The following RAD50 variants were observed in gnomAD, a reference collection of about 807,000 sequenced individuals.
The protein encoded by RAD50 is RAD50 double strand break repair protein, also known as DNA repair protein RAD50.
In RAD50, 132 loss-of-function variants were observed where a neutral mutation model predicts 168.8. The ratio of observed to expected loss-of-function variants is 0.78; its 90% confidence interval spans 0.68 to 0.90. The LOEUF (loss-of-function observed/expected upper bound fraction) is 0.90. Among genes scored for constraint, RAD50 ranks in the 40% least tolerant of loss-of-function variants. The pLI, the probability that RAD50 is intolerant of heterozygous loss-of-function variation, is 0.00. For synonymous variants in RAD50, 525 were observed against 497.4 expected (o/e 1.06, Z -0.74); for missense variants, 1,347 against 1,534.4 (o/e 0.88, Z 2.04).
Position 132,616,102 on chromosome 5 carries a change from G to A in RAD50, c.3136G>A (p.Gly1046Ser), listed in dbSNP as rs1561650130. 6.2e-7 allele frequency: 1 copy of A among 1,613,020 alleles called. No homozygotes were observed. The highest frequency in any genetic ancestry group is 8.5e-7 in the Non-Finnish European group (1 of 1,179,376). Residue 1046 changes from glycine to serine, a missense_variant, in exon 20 of 25, where the codon GGT becomes AGT. Gly to Ser is a moderately conservative substitution (Grantham distance 56, BLOSUM62 0). This residue lies in a region of RAD50 where 635 missense variants were observed against 739.2 expected (regional missense o/e 0.86). Transcript: ENST00000378823. ...EERKQHLKEM[G>S]QMQVLQMKSE... is the part of the protein sequence containing the mutation. Reference sequence around the variant, plus strand: ...AAGAAAACAACATTTGAAGGAAATGGGTCAAATGCAGGTTTTGCAAATGAA... The same window carrying A: ...AAGAAAACAACATTTGAAGGAAATGAGTCAAATGCAGGTTTTGCAAATGAA...
intron 21 of RAD50, among the ~76,000 whole-genome samples, chr5:132,626,558 T>C (rs1188931013): frequency 6.6e-6 from 1 of 152,246 alleles, no homozygotes; most frequent in Non-Finnish European, 1.5e-5. Context: ...TGTTCCATTC[T>C]TTAATGTAAG....
At chr5:132,580,098 T>C in intron 5 of RAD50, 32 bp downstream of exon 5, 1 of 1,519,860 alleles carries the variant, frequency 6.6e-7, no homozygotes, top group Non-Finnish European at 9.1e-7. Context: ...TTGACAAAAA[T>C]TGTATATCTT....
intron 13 of RAD50, among the ~76,000 whole-genome samples, chr5:132,599,613 G>A (rs1400287173): frequency 6.6e-6 from 1 of 152,110 alleles, no homozygotes; most frequent in Non-Finnish European, 1.5e-5. Flanking sequence ...GAGTGTAGTG[G>A]TGTGATTGAT....
rs786203285 is a variant in RAD50 at position 132,604,022 on chromosome 5, G to A, written c.2500G>A (p.Glu834Lys). 1.2e-6 allele frequency: 2 copies of A among 1,613,718 alleles called. No individual in the cohort carries two copies. Among genetic ancestry groups the A allele is most frequent in the Non-Finnish European group, 1.7e-6 (2 of 1,179,774 alleles). Residue 834 changes from glutamate (E) to lysine (K), a missense_variant, in exon 15 of 25, where the codon GAG (glutamate) becomes AAG (lysine). Glu to Lys is a moderately conservative substitution (Grantham distance 56, BLOSUM62 1). Around this residue, in one of 3 missense-constraint regions of RAD50, gnomAD observed 635 missense variants for 739.2 expected, o/e 0.86. Coordinates refer to ENST00000378823, the MANE Select transcript of RAD50 (RefSeq NM_005732.4). ...CCAACAAGTCAACCAGGAGAAACAA[G>A]AGAAACAGCACAAGTTAGACACAGG... Reference protein sequence around the residue: ...TVQQVNQEKQEKQHKLDTVSS... With the variant: ...TVQQVNQEKQKKQHKLDTVSS...
intron 2 of RAD50, among the ~76,000 whole-genome samples, chr5:132,572,857 A>G (rs181248368): frequency 2.7e-4 from 41 of 152,312 alleles, no homozygotes; most frequent in Admixed American, 1.2e-3. Context: ...TAATCTTTCT[A>G]TTTTAAAGTC....
rs1026062791 is a variant in RAD50, at chr5:132,588,982, A to G, written c.1245+102A>G. 18 of 1,275,214 alleles carry G rather than the reference A, an allele frequency of 1.4e-5. No homozygotes were observed. In the Admixed American group the frequency reaches 2.6e-4, roughly 18 times the overall value. The allele number at this position is 1,275,214 out of a possible 1,614,324, so 79.0% of individuals were successfully genotyped here. Reference sequence around the variant, plus strand: ...GGACTCCATTTTGGCATATTTTTCTATTAGTGTTAGGATAAAATCTGCTAC... The same window carrying G: ...GGACTCCATTTTGGCATATTTTTCTGTTAGTGTTAGGATAAAATCTGCTAC... On this transcript the variant is annotated intron_variant, in intron 8 of 24. Coordinates refer to ENST00000378823, the MANE Select transcript of RAD50 (RefSeq NM_005732.4).
chr5:132,588,372 G>C (rs1416981674), intron 7 of RAD50, among the ~76,000 whole-genome samples: 2 of 152,158 alleles, frequency 1.3e-5, no homozygotes, highest in African/African-American at 4.8e-5. Context: ...GAACTGTTCA[G>C]TATCTTGACT....
At chr5:132,640,458 G>A (rs1751693617) in intron 23 of RAD50, among the ~76,000 whole-genome samples, 1 of 152,196 alleles carries the variant, frequency 6.6e-6, no homozygotes, top group African/African-American at 2.4e-5. Flanking sequence ...TTGTTTTGTG[G>A]TGAATGATAG....
In RAD50 at chr5:132,557,293, G is replaced by T; in HGVS notation, c.-32G>T. 1 of 1,613,182 alleles carries T rather than the reference G, an allele frequency of 6.2e-7. No individual in the cohort carries two copies. The highest frequency in any genetic ancestry group is 8.5e-7 in the Non-Finnish European group (1 of 1,179,064). ...CTCAGTTAAGCCTTTGTGGGCTCCA[G>T]GTCCCTGGTGAGATTAGAAACGTTT... On this transcript the variant is annotated 5_prime_UTR_variant, in exon 1 of 25. It adds an upstream start codon to the 5' untranslated region. Coordinates refer to ENST00000378823, the MANE Select transcript of RAD50 (RefSeq NM_005732.4).
chr5:132,561,559 C>A (rs1299807656), intron 2 of RAD50, among the ~76,000 whole-genome samples: 2 of 152,282 alleles, frequency 1.3e-5, no homozygotes, highest in Admixed American at 1.3e-4. Flanking sequence ...TCTTCCCTAT[C>A]TCTCTTGGAT....
rs876659018 is a variant in RAD50 at position 132,588,864 on chromosome 5, C to G, written c.1229C>G (p.Thr410Ser). Residue 410 changes from threonine to serine, a missense_variant, in exon 8 of 25, where the codon ACT becomes AGT. Thr to Ser is a moderately conservative substitution (Grantham distance 58, BLOSUM62 1). This residue lies in a region of RAD50 where 703 missense variants were observed against 767.7 expected (regional missense o/e 0.92). Transcript: ENST00000378823. ...GAGAGACAAGAAGGGGAAGCAAAAA[C>G]TGCCAACCAACTGATGGCAAGTATT... is the stretch of plus-strand genomic sequence containing the variant. ...VRERQEGEAK[T>S]ANQLMNDFAE... is the part of the protein sequence containing the mutation. 1.2e-6 allele frequency: 2 copies of G among 1,613,100 alleles called. No homozygotes were observed. Among genetic ancestry groups the G allele is most frequent in the Non-Finnish European group, 1.7e-6 (2 of 1,179,096 alleles).
Position 132,637,192 on chromosome 5 carries a change from G to A in RAD50, c.3467G>A (p.Arg1156His), listed in dbSNP as rs587780156. 47 of 1,610,826 alleles carry A rather than the reference G, an allele frequency of 2.9e-5. No individual in the cohort carries two copies. Among genetic ancestry groups the A allele is most frequent in the African/African-American group, 4.0e-5 (3 of 74,788 alleles). ...CGTGACCTGTGGCGAAGTACCTATC[G>A]TGGACAAGGTGAGTACCATGGTGTA... Reference protein sequence around the residue: ...IIRDLWRSTYRGQDIEYIEIR... With the variant: ...IIRDLWRSTYHGQDIEYIEIR... Residue 1156 changes from arginine (R) to histidine (H), a missense_variant, in exon 22 of 25, where the codon CGT (arginine) becomes CAT (histidine). Around this residue, in one of 3 missense-constraint regions of RAD50, gnomAD observed 635 missense variants for 739.2 expected, o/e 0.86. Coordinates refer to ENST00000378823, the MANE Select transcript of RAD50 (RefSeq NM_005732.4).
At chr5:132,566,482 A>C (rs548068433) in intron 2 of RAD50, among the ~76,000 whole-genome samples, 16 of 152,288 alleles carry the variant, frequency 1.1e-4, no homozygotes, top group African/African-American at 3.8e-4. Context: ...CCACCTCCTC[A>C]TTGAAATGTC....
intron 3 of RAD50, 100 bp from the exon 4 acceptor site, chr5:132,579,217 T>A: frequency 1.5e-6 from 2 of 1,292,346 alleles, no homozygotes; most frequent in Non-Finnish European, 2.2e-6. Flanking sequence ...AGGGCCTTTT[T>A]TTTTATTCTT....
At chr5:132,568,860 T>C (rs2149834253) in intron 2 of RAD50, among the ~76,000 whole-genome samples, 1 of 152,286 alleles carries the variant, frequency 6.6e-6, no homozygotes, top group South Asian at 2.1e-4. Flanking sequence ...TGAAGGAAAA[T>C]GTCGAAAATG....
chr5:132,557,005 AAGCT>A lies in RAD50; in HGVS notation c.-319_-316del. 2.6e-6 allele frequency: 2 copies of A among 763,096 alleles called. No homozygotes were observed. The highest frequency in any genetic ancestry group is 3.8e-6 in the Non-Finnish European group (2 of 522,328). The allele number at this position is 763,096 out of a possible 1,614,324, so 47.3% of individuals were successfully genotyped here. A position where few individuals can be genotyped will look rare whatever the true frequency, so the allele number is the denominator to read the frequency against. On this transcript the variant is annotated 5_prime_UTR_variant, in exon 1 of 25. Coordinates refer to ENST00000378823, the MANE Select transcript of RAD50 (RefSeq NM_005732.4). ...TGATCCGCAGGGCGGCCGAGGCAGGAAGCTGTGAGTGCGCGGTTGCGGGGTCGCA... is the reference window on the plus strand; with the variant it reads ...TGATCCGCAGGGCGGCCGAGGCAGGAGTGAGTGCGCGGTTGCGGGGTCGCA...
In RAD50 at chr5:132,575,639, CA is replaced by C. The variant is rs554605594; in HGVS notation, c.214-137del. On this transcript the variant is annotated intron_variant, in intron 2 of 24. Coordinates refer to ENST00000378823, the MANE Select transcript of RAD50 (RefSeq NM_005732.4). ...CAGTATTCTTCTATATTTTGGATAG[CA>C]TGTAAAAATATCACTCATTTTGGAT... 1,481 of 762,006 alleles carry C rather than the reference CA, an allele frequency of 1.9e-3. 17 individuals are homozygous for C. The highest frequency in any genetic ancestry group is 3.4e-3 in the South Asian group (215 of 62,956). 47.2% of individuals were successfully genotyped at this position (762,006 alleles called of 1,614,324 possible). A position where few individuals can be genotyped will look rare whatever the true frequency, so the allele number is the denominator to read the frequency against.
rs876660413 is a variant in RAD50, at chr5:132,638,226, A to G, written c.3618+3A>G. Reference sequence around the variant, plus strand: ...GACGATGCAGTGCTGGACAAAAGGCAGGTATCTCAAAAGCCTGGGGAGCCA... The same window carrying G: ...GACGATGCAGTGCTGGACAAAAGGCGGGTATCTCAAAAGCCTGGGGAGCCA... On this transcript the variant is annotated splice_donor_region_variant and intron_variant, in intron 23 of 24. Transcript: ENST00000378823. 1.2e-6 allele frequency: 2 copies of G among 1,614,152 alleles called. No homozygotes were observed. Among genetic ancestry groups the G allele is most frequent in the Non-Finnish European group, 8.5e-7 (1 of 1,179,974 alleles).
Position 132,643,781 on chromosome 5 carries a change from C to T in RAD50, c.*1417C>T, listed in dbSNP as rs1266318622. 1 of 229,296 alleles carries T rather than the reference C, an allele frequency of 4.4e-6. No homozygotes were observed. Among genetic ancestry groups the T allele is most frequent in the Non-Finnish European group, 8.6e-6 (1 of 115,732 alleles). 14.2% of individuals were successfully genotyped at this position (229,296 alleles called of 1,614,324 possible). A position where few individuals can be genotyped will look rare whatever the true frequency, so the allele number is the denominator to read the frequency against. On this transcript the variant is annotated 3_prime_UTR_variant, in exon 25 of 25. Transcript: ENST00000378823. ...AGATTAAGAGCAAATCAATTCTAGT[C>T]ATATATTAAACATCCACAATAACCA... is the stretch of plus-strand genomic sequence containing the variant.
Sources: allele counts gnomAD v4.1 joint callset (sites outside exome capture counted in the v4.1 genomes callset), GRCh38; gene constraint gnomAD v4.1.1; regional missense constraint gnomAD v4.1.1; transcripts MANE v1.5; gene names NCBI Gene and HGNC (gene_info 2026-07-23, HGNC 2026-07-21).